The following ZFP28 variants were observed in gnomAD, a reference collection of about 807,000 sequenced individuals.
ZFP28 encodes ZFP28 zinc finger protein, also known as zinc finger protein 28 homolog.
A neutral mutation model predicts 39.5 loss-of-function variants in ZFP28; 31 were observed. That is an observed-to-expected ratio of 0.79 (90% confidence interval 0.59 to 1.06). ZFP28 has a LOEUF of 1.06. Ranked by LOEUF, ZFP28 falls within the 50% of genes least tolerant of loss-of-function variation. The pLI, the probability that ZFP28 is intolerant of heterozygous loss-of-function variation, is 0.00. For missense variants in ZFP28, 925 were observed against 1,048.4 expected (o/e 0.88, Z 1.63); for synonymous variants, 400 against 378.6 (o/e 1.06, Z -0.66).
intron 2 of ZFP28, among the ~76,000 whole-genome samples, chr19:56,544,299 C>G (rs1473239968): frequency 6.6e-6 from 1 of 152,102 alleles, no homozygotes; most frequent in Non-Finnish European, 1.5e-5. Flanking sequence ...CCACCAGCTA[C>G]AAATGAGTTC....
In ZFP28 at chr19:56,555,210, G is replaced by A; in HGVS notation, c.2425G>A (p.Gly809Arg). ...TAATCAACATAAGAGAGTTCATACT[G>A]GAGAGAGATCTTATAACTATAAGAA... ...HLNQHKRVHT[G>R]ERSYNYKKSR... Residue 809 changes from glycine to arginine, a missense_variant, in exon 8 of 8, where the codon GGA becomes AGA. Gly to Arg is a moderately radical substitution (Grantham distance 125). This residue lies in a region of ZFP28 where 369 missense variants were observed against 505.5 expected (regional missense o/e 0.73). Coordinates refer to ENST00000301318, the MANE Select transcript of ZFP28 (RefSeq NM_020828.2). The A allele has an allele frequency of 6.2e-7, 1 of 1,614,134 alleles. No homozygotes were observed.
intron 7 of ZFP28, chr19:56,553,142 T>C (rs1318626509): frequency 6.6e-6 from 1 of 152,122 alleles, no homozygotes; most frequent in African/African-American, 2.4e-5. Context: ...AAGAGAGAAA[T>C]TGCAAGGCTT....
In ZFP28 at chr19:56,548,852, T is replaced by C. The variant is rs150466839; in HGVS notation, c.524-106T>C. The C allele has an allele frequency of 1.2e-3, 1,345 of 1,163,102 alleles. 16 individuals carry two copies. The African/African-American group carries it at 0.019, about 17-fold the overall frequency. The allele number at this position is 1,163,102 out of a possible 1,614,324, so 72.0% of individuals were successfully genotyped here. A position where few individuals can be genotyped will look rare whatever the true frequency, so the allele number is the denominator to read the frequency against. ...TTTCATTTTCTTCCATAAAAATAAA[T>C]GACTATATGCTTTTTTGTGGCTTTT... is the stretch of plus-strand genomic sequence containing the variant. On this transcript the variant is annotated intron_variant, in intron 4 of 7. Transcript: ENST00000301318.
chr19:56,554,897 G>A lies in ZFP28; in HGVS notation c.2112G>A (p.Met704Ile), dbSNP rs770534930. Residue 704 changes from methionine (M) to isoleucine (I), a missense_variant, in exon 8 of 8, where the codon ATG becomes ATA. By Grantham distance (10) the Met-to-Ile change is conservative. Transcript: ENST00000301318. This position sits in a 1 kb window ranked among gnomAD's most constrained non-coding sequence, Gnocchi z 6.7. ...CTGGTGAGAAACCCTATAAATGTAT[G>A]GAATGTGGGAAGGCCTTTGGTGATA... The part of the protein sequence containing the change: ...VHTGEKPYKC[M>I]ECGKAFGDNS... 2 of 1,613,928 alleles carry A rather than the reference G, an allele frequency of 1.2e-6. No individual in the cohort carries two copies. Among genetic ancestry groups the A allele is most frequent in the Non-Finnish European group, 8.5e-7 (1 of 1,179,920 alleles).
At chr19:56,538,178 TG>T (rs2044151696), upstream of ZFP28, 1 of 152,334 alleles carries the variant, frequency 6.6e-6, no homozygotes, top group Non-Finnish European at 1.5e-5. Flanking sequence ...CCAGAGATAA[TG>T]GGAGAAGGTG....
chr19:56,551,316 T>C, intron 7 of ZFP28: 3 of 986,860 alleles, frequency 3.0e-6, no homozygotes, highest in Non-Finnish European at 2.4e-6. Context: ...AATTGTTTAC[T>C]GTTTGGCAAA....
intron 7 of ZFP28, 107 bp downstream of exon 7, chr19:56,550,712 G>A: frequency 6.3e-7 from 1 of 1,577,002 alleles, no homozygotes; most frequent in Non-Finnish European, 8.6e-7. Flanking sequence ...TTTACCCAGG[G>A]TCTCTGGGTC....
chr19:56,549,047 C>T lies in ZFP28; in HGVS notation c.613C>T (p.Leu205Phe). Residue 205 changes from leucine (L) to phenylalanine (F), a missense_variant, in exon 5 of 8, where the codon CTC (leucine) becomes TTC (phenylalanine). By Grantham distance (22) the Leu-to-Phe change is conservative. This residue lies in a region of ZFP28 where 556 missense variants were observed against 542.9 expected (regional missense o/e 1.02). Transcript: ENST00000301318. ...ATCCCAGGCAGTGATAACAGAGAGA[C>T]TCACAAGCTATAATCTGGAGTACTC... is the stretch of plus-strand genomic sequence containing the variant. ...KLSQAVITER[L>F]TSYNLEYSLL... 3 of 1,614,116 alleles carry T rather than the reference C, an allele frequency of 1.9e-6. No homozygotes were observed. The highest frequency in any genetic ancestry group is 2.5e-6 in the Non-Finnish European group (3 of 1,180,010).
At chr19:56,545,887 G>A (rs4801332) in intron 2 of ZFP28, 54,355 of 152,004 alleles carry the variant, frequency 0.36, 11,131 homozygotes, top group East Asian at 0.62. Context: ...CATAGTATGG[G>A]GCCTTTTCTA....
rs1430660005 is a variant in ZFP28 at position 56,554,272 on chromosome 19, G to A, written c.1487G>A (p.Arg496Lys). The change falls in exon 8 of 8, where the codon AGA becomes AAA. Residue 496 changes from arginine to lysine, a missense_variant. By Grantham distance (26) the Arg-to-Lys change is conservative (BLOSUM62 2). This residue lies in a region of ZFP28 where 369 missense variants were observed against 505.5 expected (regional missense o/e 0.73). Transcript: ENST00000301318. The surrounding 1 kb of genome is among the most constrained non-coding windows in gnomAD (Gnocchi z 6.7). Reference protein sequence around the residue: ...IQNTSLIRHWRYYHTGEKPFD... With the variant: ...IQNTSLIRHWKYYHTGEKPFD... ...AACACATCCCTTATCCGTCACTGGA[G>A]ATACTATCATACTGGGGAGAAACCC... The A allele has an allele frequency of 6.2e-7, 1 of 1,614,178 alleles. No individual in the cohort carries two copies. Among genetic ancestry groups the A allele is most frequent in the Non-Finnish European group, 8.5e-7 (1 of 1,180,030 alleles).
intron 7 of ZFP28, chr19:56,550,883 T>G (rs948687516): frequency 7.0e-7 from 1 of 1,438,074 alleles, no homozygotes; most frequent in Admixed American, 2.8e-5. Context: ...TGGACCCTGA[T>G]GCACTTTTGA....
chr19:56,551,780 TC>T, intron 7 of ZFP28: 7 of 984,448 alleles, frequency 7.1e-6, no homozygotes, highest in Non-Finnish European at 8.4e-6. Flanking sequence ...ATTTGGTTTT[TC>T]TCTTATCTTC....
chr19:56,541,909 T>C (rs1319537059), intron 2 of ZFP28, among the ~76,000 whole-genome samples: 3 of 87,480 alleles, frequency 3.4e-5, no homozygotes, highest in Non-Finnish European at 6.4e-5. Context: ...TTTTTTTTTT[T>C]AGAGACAGGG....
At chr19:56,552,053 A>G (rs1013250811) in intron 7 of ZFP28, 2 of 890,852 alleles carry the variant, frequency 2.2e-6, no homozygotes, top group African/African-American at 3.6e-5. Context: ...CTTGACACAT[A>G]TAGTTCTATT....
At chr19:56,545,292 G>C (rs1051569500) in intron 2 of ZFP28, among the ~76,000 whole-genome samples, 4 of 152,194 alleles carry the variant, frequency 2.6e-5, no homozygotes, top group African/African-American at 9.7e-5. Flanking sequence ...TCCCTCTGCA[G>C]TTGATATTCA....
In ZFP28 at chr19:56,549,405, CG is replaced by C. The variant is rs540811121; in HGVS notation, c.687+286del. 7.8e-3 allele frequency among the ~76,000 whole-genome samples: 1,184 copies of C among 152,228 alleles called. 3 individuals carry two copies. Among genetic ancestry groups the C allele is most frequent in the Non-Finnish European group, 0.011 (753 of 68,004 alleles). On this transcript the variant is annotated intron_variant, in intron 5 of 7. Transcript: ENST00000301318. ...GAAAGCTTTGAGCAGAGGCCAGGCG[CG>C]GTGGCTCACGCCTGTAATCCCAGCA...
rs78883734 is a variant in ZFP28 at position 56,554,812 on chromosome 19, A to C, written c.2027A>C (p.Lys676Thr). 1.2e-6 allele frequency: 2 copies of C among 1,614,194 alleles called. No homozygotes were observed. The highest frequency in any genetic ancestry group is 3.3e-5 in the Admixed American group (2 of 60,016). Reference protein sequence around the residue: ...THTGEKPYECKECGKAFSQTT... With the variant: ...THTGEKPYECTECGKAFSQTT... ...ACAGGAGAGAAACCATATGAGTGCA[A>C]GGAATGCGGTAAAGCCTTCAGCCAG... Residue 676 changes from lysine to threonine, a missense_variant, in exon 8 of 8, where the codon AAG (lysine) becomes ACG (threonine). Physicochemically the swap from Lys to Thr is moderately conservative, Grantham distance 78. Around this residue, in one of 2 missense-constraint regions of ZFP28, gnomAD observed 369 missense variants for 505.5 expected, o/e 0.73. Transcript: ENST00000301318. The surrounding 1 kb of genome is among the most constrained non-coding windows in gnomAD (Gnocchi z 6.7).
At position 56,555,349 on chromosome 19, in the gene ZFP28, T is replaced by G. The variant is rs1024638467; in HGVS notation, c.2564T>G (p.Phe855Cys). The G allele has an allele frequency of 1.9e-6, 3 of 1,612,934 alleles. No homozygotes were observed. In the Admixed American group the frequency reaches 5.0e-5, roughly 27 times the overall value. Residue 855 changes from phenylalanine to cysteine, a missense_variant, in exon 8 of 8, where the codon TTT becomes TGT. Phe to Cys is a radical substitution (Grantham distance 205). Transcript: ENST00000301318. ...TCCACGTCAAATCCTGTGGATCTGT[T>G]TCCCAAATTTCTCTGGAATCCATCC... is the stretch of plus-strand genomic sequence containing the variant. Reference protein sequence around the residue: ...LPSTSNPVDLFPKFLWNPSSL... With the variant: ...LPSTSNPVDLCPKFLWNPSSL...
rs571531361 is a variant in ZFP28 at position 56,542,089 on chromosome 19, T to A, written c.300+2373T>A. 1.6e-4 allele frequency among the ~76,000 whole-genome samples: 24 copies of A among 152,080 alleles called. 1 individual carries two copies. In the South Asian group the frequency reaches 5.0e-3, roughly 32 times the overall value. ...CACGTATACCAAAATTTGCACTTAT[T>A]CATCAGCCATGTGGAGCCTGCAGAT... On this transcript the variant is annotated intron_variant, in intron 2 of 7. Coordinates refer to ENST00000301318, the MANE Select transcript of ZFP28 (RefSeq NM_020828.2).
Sources: allele counts gnomAD v4.1 joint callset (sites outside exome capture counted in the v4.1 genomes callset), GRCh38; gene constraint gnomAD v4.1.1; regional missense constraint gnomAD v4.1.1; non-coding constraint Gnocchi (gnomAD v3.1); transcripts MANE v1.5; gene names NCBI Gene and HGNC (gene_info 2026-07-23, HGNC 2026-07-21).